Variants in CYP4F22 observed in about 807,000 individuals in gnomAD.
CYP4F22 encodes cytochrome P450 family 4 subfamily F member 22, also known as ultra-long-chain fatty acid omega-hydroxylase.
CYP4F22 carries 37 observed loss-of-function variants against 60.4 expected under a neutral mutation model. The ratio of observed to expected loss-of-function variants is 0.61; its 90% CI spans 0.47 to 0.81. CYP4F22 has a LOEUF of 0.81. Ranked by LOEUF, CYP4F22 falls within the 30% of genes least tolerant of loss-of-function variation. The pLI is 0.00. For synonymous variants in CYP4F22, 258 were observed against 280.5 expected (o/e 0.92, Z 0.80); for missense variants, 655 against 715.0 (o/e 0.92, Z 0.96).
chr19:15,525,465 G>A lies in CYP4F22; in HGVS notation c.129G>A (p.Leu43=). The A allele has an allele frequency of 6.2e-7, 1 of 1,614,054 alleles. No individual in the cohort carries two copies. The highest frequency in any genetic ancestry group is 8.5e-7 in the Non-Finnish European group (1 of 1,180,022). The change falls in exon 3 of 14, where the codon CTG becomes CTA. Residue 43 remains leucine, a synonymous_variant. Coordinates refer to ENST00000269703, the MANE Select transcript of CYP4F22 (RefSeq NM_173483.4). ...TGTTCCGCCTGCTGCTGCGGTTCCT[G>A]AGGCTCTGCAGGAGCTTCTACATCA... is the stretch of plus-strand genomic sequence containing the variant. ...FFLFRLLLRF[L]RLCRSFYITC... is the part of the protein sequence containing the mutation.
chr19:15,514,217 G>A (rs2144496614), intron 1 of CYP4F22, among the ~76,000 whole-genome samples: 1 of 152,290 alleles, frequency 6.6e-6, no homozygotes, highest in South Asian at 2.1e-4. Flanking sequence ...CTGAACCATA[G>A]GGCACGTAAT....
intron 11 of CYP4F22, 149 bp from the exon 12 acceptor site, chr19:15,548,989 G>A (rs1003424172): frequency 2.5e-6 from 2 of 801,504 alleles, no homozygotes; most frequent in South Asian, 1.6e-5. Context: ...AGTGGATGGG[G>A]CAGCAGAATT....
At chr19:15,512,880 A>G (rs938927256) in intron 1 of CYP4F22, among the ~76,000 whole-genome samples, 1 of 152,176 alleles carries the variant, frequency 6.6e-6, no homozygotes, top group South Asian at 2.1e-4. Context: ...ATAGGAAACC[A>G]AAACGACTGG....
At chr19:15,549,860 C>T (rs757082571) in intron 12 of CYP4F22, among the ~76,000 whole-genome samples, 16 of 150,016 alleles carry the variant, frequency 1.1e-4, no homozygotes, top group Admixed American at 4.6e-4. Flanking sequence ...GCCAGCCACT[C>T]GGGAGGCTGA....
At position 15,550,694 on chromosome 19, in the gene CYP4F22, T is replaced by A; in HGVS notation, c.1356T>A (p.Phe452Leu). ...CCTAGGTGTACAACCCCTACCGCTT[T>A]GACCCGGACAACCCACAGCAGCGCT... is the stretch of plus-strand genomic sequence containing the variant. The part of the protein sequence containing the change: ...PDSKVYNPYR[F>L]DPDNPQQRSP... The change falls in exon 13 of 14, where the codon TTT (phenylalanine) becomes TTA (leucine). Residue 452 changes from phenylalanine to leucine, a missense_variant. Around this residue, in one of 3 missense-constraint regions of CYP4F22, gnomAD observed 151 missense variants for 139.4 expected, o/e 1.08. Coordinates refer to ENST00000269703, the MANE Select transcript of CYP4F22 (RefSeq NM_173483.4). 1.9e-6 allele frequency: 3 copies of A among 1,614,208 alleles called. No individual in the cohort carries two copies. Among genetic ancestry groups the A allele is most frequent in the Non-Finnish European group, 2.5e-6 (3 of 1,180,038 alleles).
intron 1 of CYP4F22, among the ~76,000 whole-genome samples, chr19:15,510,961 TA>T (rs1436607827): frequency 1.7e-4 from 20 of 118,012 alleles, no homozygotes; most frequent in African/African-American, 6.6e-4. Flanking sequence ...TATATATATA[TA>T]TATATTTTTT....
At chr19:15,545,476 T>G (rs1462846045) in intron 10 of CYP4F22, among the ~76,000 whole-genome samples, 1 of 151,354 alleles carries the variant, frequency 6.6e-6, no homozygotes, top group Non-Finnish European at 1.5e-5. Context: ...GACGAAACCC[T>G]GTCTCTACAA....
chr19:15,543,083 C>T (rs1971482436), intron 8 of CYP4F22, among the ~76,000 whole-genome samples: 1 of 152,112 alleles, frequency 6.6e-6, no homozygotes, highest in African/African-American at 2.4e-5. Flanking sequence ...AATGGGATTG[C>T]TGGGTCAAGT....
At chr19:15,550,999 TATG>T (rs992828262) in intron 13 of CYP4F22, among the ~76,000 whole-genome samples, 48 of 152,160 alleles carry the variant, frequency 3.2e-4, no homozygotes, top group African/African-American at 1.1e-3. Context: ...CCATTGGCTC[TATG>T]ATGCCTTTGT....
intron 11 of CYP4F22, 113 bp downstream of exon 11, chr19:15,548,354 G>A: frequency 6.7e-7 from 1 of 1,497,074 alleles, no homozygotes; most frequent in South Asian, 1.1e-5. Context: ...CTGCAGATGG[G>A]ATAGCTCTCT....
At chr19:15,520,158 C>T (rs1272383644) in intron 1 of CYP4F22, among the ~76,000 whole-genome samples, 2 of 151,978 alleles carry the variant, frequency 1.3e-5, no homozygotes, top group African/African-American at 4.8e-5. Flanking sequence ...TCCTGGTTAA[C>T]ACGGTGAAAC....
intron 1 of CYP4F22, among the ~76,000 whole-genome samples, chr19:15,521,729 C>T (rs1244935465): frequency 1.3e-5 from 2 of 152,036 alleles, no homozygotes; most frequent in East Asian, 1.9e-4. Flanking sequence ...GGGGTGCAGT[C>T]GCACGATCAT....
At chr19:15,541,773 G>T (rs976051888) in intron 8 of CYP4F22, among the ~76,000 whole-genome samples, 1 of 151,490 alleles carries the variant, frequency 6.6e-6, no homozygotes, top group Non-Finnish European at 1.5e-5. Flanking sequence ...CCAGCTACTC[G>T]GGAGGTTGAG....
At chr19:15,509,614 A>C (rs1164685776) in intron 1 of CYP4F22, among the ~76,000 whole-genome samples, 1 of 152,086 alleles carries the variant, frequency 6.6e-6, no homozygotes, top group East Asian at 1.9e-4. Context: ...GGCCAGAGAG[A>C]AGAAGCCTGT....
intron 1 of CYP4F22, chr19:15,516,864 T>A: frequency 7.1e-6 from 2 of 282,048 alleles, no homozygotes; most frequent in Non-Finnish European, 1.1e-5. Context: ...TGAGACGGAG[T>A]CTGTTGCCAG....
At chr19:15,544,491 T>C (rs903155292) in intron 10 of CYP4F22, among the ~76,000 whole-genome samples, 1 of 152,206 alleles carries the variant, frequency 6.6e-6, no homozygotes, top group Non-Finnish European at 1.5e-5. Context: ...TCAGCAATTA[T>C]TGCAATGATG....
intron 1 of CYP4F22, chr19:15,516,760 T>A: frequency 1.6e-6 from 1 of 611,874 alleles, no homozygotes; most frequent in Non-Finnish European, 2.7e-6. Flanking sequence ...ATCCCTGGAC[T>A]CTGGAAAGAT....
rs1318871983 is a variant in CYP4F22, at chr19:15,547,994, AGGGAGAGAGTGTGTGTGTGTGTGTGTGT to A, written c.1137-112_1137-85del. The A allele has an allele frequency of 8.4e-4, 225 of 266,320 alleles. 3 individuals are homozygous for A. Among genetic ancestry groups the A allele is most frequent in the African/African-American group, 5.4e-3 (177 of 32,964 alleles). 16.5% of individuals were successfully genotyped at this position (266,320 alleles called of 1,614,324 possible). On this transcript the variant is annotated intron_variant, in intron 10 of 13. Coordinates refer to ENST00000269703, the MANE Select transcript of CYP4F22 (RefSeq NM_173483.4). ...GAGAGAGAGAGAGAGAGAGAGAGAG[AGGGAGAGAGTGTGTGTGTGTGTGTGTGT>A]GTGTGTGTGTGTGTGTGTGTGTGTG...
intron 11 of CYP4F22, 56 bp downstream of exon 11, chr19:15,548,297 C>T (rs934419465): frequency 7.3e-5 from 117 of 1,610,366 alleles, no homozygotes; most frequent in Non-Finnish European, 9.4e-5. Context: ...TGTAGCTGCT[C>T]TATTGTCCAC....
Sources: allele counts gnomAD v4.1 joint callset (sites outside exome capture counted in the v4.1 genomes callset), GRCh38; gene constraint gnomAD v4.1.1; regional missense constraint gnomAD v4.1.1; transcripts MANE v1.5; gene names NCBI Gene and HGNC (gene_info 2026-07-23, HGNC 2026-07-21).